Variants in HTR2A observed in about 807,000 individuals in gnomAD.
HTR2A encodes the protein 5-hydroxytryptamine receptor 2A.
Under a neutral mutation model 31.0 loss-of-function variants are expected in HTR2A, and 14 were observed. That is an observed-to-expected ratio of 0.45 (90% CI 0.30 to 0.71). HTR2A has a LOEUF of 0.71. HTR2A is among the 30% of genes least tolerant of loss of function. HTR2A has a pLI of 0.09. For missense variants in HTR2A, 442 were observed against 573.3 expected, an observed-to-expected ratio of 0.77 and a Z score of 2.34; for synonymous variants, 209 against 225.2, an observed-to-expected ratio of 0.93 and a Z score of 0.64.
intron 3 of HTR2A, among the ~76,000 whole-genome samples, chr13:46,850,671 A>G (rs766747143): frequency 6.6e-6 from 1 of 152,110 alleles, no homozygotes; most frequent in Non-Finnish European, 1.5e-5. Context: ...TACCTATGAA[A>G]TCTTTCTGTG....
intron 3 of HTR2A, among the ~76,000 whole-genome samples, chr13:46,868,650 A>G (rs1400926767): frequency 6.6e-6 from 1 of 152,140 alleles, no homozygotes; most frequent in Non-Finnish European, 1.5e-5. Flanking sequence ...CTGAGTTTCT[A>G]TTTTATCCTG....
At chr13:46,874,170 T>C (rs1434033429) in intron 3 of HTR2A, among the ~76,000 whole-genome samples, 1 of 152,238 alleles carries the variant, frequency 6.6e-6, no homozygotes, top group Non-Finnish European at 1.5e-5. Flanking sequence ...TCTCATGGTA[T>C]GTCTCTTATT....
At position 46,834,645 on chromosome 13, in the gene HTR2A, A is replaced by G. The variant is rs1374525301; in HGVS notation, c.*192T>C. 1 of 542,750 alleles carries G rather than the reference A, an allele frequency of 1.8e-6. No individual in the cohort carries two copies. The highest frequency in any genetic ancestry group is 1.9e-5 in the African/African-American group (1 of 53,232). 33.6% of individuals were successfully genotyped at this position (542,750 alleles called of 1,614,324 possible). A position where few individuals can be genotyped will look rare whatever the true frequency, so the allele number is the denominator to read the frequency against. On this transcript the variant is annotated 3_prime_UTR_variant, in exon 4 of 4. Coordinates refer to ENST00000542664, the MANE Select transcript of HTR2A (RefSeq NM_000621.5). Reference sequence around the variant, plus strand: ...GAAAGCTCACAGCTGAAATGCTGTCAGAACATTTTCCAAGCACACATTTTG... The same window carrying G: ...GAAAGCTCACAGCTGAAATGCTGTCGGAACATTTTCCAAGCACACATTTTG...
chr13:46,878,778 A>G (rs1311425477), intron 3 of HTR2A, among the ~76,000 whole-genome samples: 2 of 152,224 alleles, frequency 1.3e-5, no homozygotes, highest in African/African-American at 2.4e-5. Flanking sequence ...ATATATGTGT[A>G]TGTATACACA....
chr13:46,859,357 TC>T (rs1950763626), intron 3 of HTR2A, among the ~76,000 whole-genome samples: 1 of 152,220 alleles, frequency 6.6e-6, no homozygotes, highest in South Asian at 2.1e-4. Flanking sequence ...CGTCCTGTCA[TC>T]CATGCCATTT....
At chr13:46,858,375 C>A (rs1950755475) in intron 3 of HTR2A, among the ~76,000 whole-genome samples, 1 of 151,776 alleles carries the variant, frequency 6.6e-6, no homozygotes, top group Non-Finnish European at 1.5e-5. Flanking sequence ...GGGGGTGTGG[C>A]AGGAAATGCT....
In HTR2A at chr13:46,865,685, T is replaced by C. The variant is rs139350045; in HGVS notation, c.613+26705A>G. Among the ~76,000 whole-genome samples, 469 of 152,340 alleles carry C rather than the reference T, an allele frequency of 3.1e-3. 3 individuals carry two copies. Among genetic ancestry groups the C allele is most frequent in the African/African-American group, 0.011 (446 of 41,574 alleles). On this transcript the variant is annotated intron_variant, in intron 3 of 3. Transcript: ENST00000542664. ...GCTGGTGTGACAGAGCAGTTGAATG[T>C]TAAATTTAAGTTGATAAAATAAAAA...
rs1951091403 is a variant in HTR2A, at chr13:46,895,210, ATG to A, written c.412+283_412+284del. ...TAATTTATAAAAATTTCTACATTAAATGTACATGTTTTGAAGCACAAAACTCT... is the reference window on the plus strand; with the variant it reads ...TAATTTATAAAAATTTCTACATTAAATACATGTTTTGAAGCACAAAACTCT... On this transcript the variant is annotated intron_variant, in intron 2 of 3. Coordinates refer to ENST00000542664, the MANE Select transcript of HTR2A (RefSeq NM_000621.5). The surrounding 1 kb of genome is among the most constrained non-coding windows in gnomAD (Gnocchi z 4.4). 1 of 316,724 alleles carries A rather than the reference ATG, an allele frequency of 3.2e-6. No individual in the cohort carries two copies. The highest frequency in any genetic ancestry group is 6.1e-5 in the South Asian group (1 of 16,374). The allele number at this position is 316,724 out of a possible 1,614,324, so 19.6% of individuals were successfully genotyped here.
At chr13:46,868,149 AAT>A (rs1352000524) in intron 3 of HTR2A, among the ~76,000 whole-genome samples, 2 of 152,240 alleles carry the variant, frequency 1.3e-5, no homozygotes, top group African/African-American at 4.8e-5. Context: ...AAGCGATAGG[AAT>A]ACCTTTTCCC....
chr13:46,864,109 T>C (rs1262228940), intron 3 of HTR2A, among the ~76,000 whole-genome samples: 2 of 152,138 alleles, frequency 1.3e-5, no homozygotes, highest in Admixed American at 1.3e-4. Context: ...TCATGTCCTT[T>C]GCAGGGACAT....
chr13:46,836,319 A>AT (rs1876452254), intron 3 of HTR2A, among the ~76,000 whole-genome samples: 1 of 152,104 alleles, frequency 6.6e-6, no homozygotes, highest in African/African-American at 2.4e-5. Context: ...AAGAAAAATA[A>AT]TATGTATTCT....
At position 46,896,713 on chromosome 13, in the gene HTR2A, T is replaced by C; in HGVS notation, c.-368A>G. ...TCCACACATGAGATACATTTGTTAT[T>C]CTGTGACTCGCTGCATCTCTCACAG... On this transcript the variant is annotated 5_prime_UTR_variant, in exon 1 of 4. Transcript: ENST00000542664. 1 of 1,535,330 alleles carries C rather than the reference T, an allele frequency of 6.5e-7. No homozygotes were observed. The highest frequency in any genetic ancestry group is 8.7e-7 in the Non-Finnish European group (1 of 1,145,418).
chr13:46,868,236 T>G (rs565796377), intron 3 of HTR2A, among the ~76,000 whole-genome samples: 17 of 152,188 alleles, frequency 1.1e-4, no homozygotes, highest in Non-Finnish European at 1.2e-4. Context: ...TGTGCAAAGC[T>G]GCCAGAGCTG....
intron 3 of HTR2A, among the ~76,000 whole-genome samples, chr13:46,888,143 A>G (rs1051720261): frequency 1.3e-5 from 2 of 152,148 alleles, no homozygotes; most frequent in Admixed American, 6.5e-5. Context: ...AAGGTTTAGC[A>G]TACATGAGAT....
At chr13:46,894,386 C>T (rs576905060) in intron 2 of HTR2A, among the ~76,000 whole-genome samples, 3 of 152,294 alleles carry the variant, frequency 2.0e-5, no homozygotes, top group South Asian at 2.1e-4. Flanking sequence ...GAATCTTCCC[C>T]GGGATGCCGG....
intron 3 of HTR2A, among the ~76,000 whole-genome samples, chr13:46,868,118 AT>A (rs1452108848): frequency 2.0e-5 from 3 of 152,134 alleles, no homozygotes; most frequent in Non-Finnish European, 2.9e-5. Context: ...ATTTTTAAAC[AT>A]TTTTCTTTCC....
chr13:46,875,258 A>G (rs528720279), intron 3 of HTR2A, among the ~76,000 whole-genome samples: 13 of 152,214 alleles, frequency 8.5e-5, no homozygotes, highest in Non-Finnish European at 1.8e-4. Context: ...AAAACTTTCA[A>G]ATGTGAAAAG....
At chr13:46,872,162 A>G (rs879644040) in intron 3 of HTR2A, among the ~76,000 whole-genome samples, 10 of 152,210 alleles carry the variant, frequency 6.6e-5, no homozygotes, top group African/African-American at 2.4e-4. Flanking sequence ...AATTATAAGA[A>G]TCAAAGTGAT....
rs548829548 is a variant in HTR2A, at chr13:46,854,114, G to A, written c.614-18475C>T. The A allele has an allele frequency of 5.9e-5, 9 of 152,266 alleles. No individual in the cohort carries two copies. In the East Asian group the frequency reaches 1.5e-3, roughly 26 times the overall value. 9.4% of individuals were successfully genotyped at this position (152,266 alleles called of 1,614,324 possible). ...TGCTTTGGAATATTATCAAATAGCA[G>A]GGGGACCAGCACAGTGGACTTAGTG... On this transcript the variant is annotated intron_variant, in intron 3 of 3. Coordinates refer to ENST00000542664, the MANE Select transcript of HTR2A (RefSeq NM_000621.5).
Sources: allele counts gnomAD v4.1 joint callset (sites outside exome capture counted in the v4.1 genomes callset), GRCh38; gene constraint gnomAD v4.1.1; non-coding constraint Gnocchi (gnomAD v3.1); transcripts MANE v1.5; gene names NCBI Gene and HGNC (gene_info 2026-07-23, HGNC 2026-07-21).